YWHAE: variants seen among roughly 807,000 people sequenced by gnomAD.
YWHAE encodes the protein tyrosine 3-monooxygenase/tryptophan 5-monooxygenase activation protein epsilon, also known as 14-3-3 protein epsilon.
YWHAE carries 4 observed loss-of-function variants against 30.1 expected under a neutral mutation model. The observed-to-expected ratio is 0.13, with a 90% CI of 0.07 to 0.30. YWHAE has a LOEUF of 0.30. Ranked by LOEUF, YWHAE falls within the 10% of genes least tolerant of loss-of-function variation. The probability of loss-of-function intolerance (pLI) is 1.00; values close to 1 mark genes in which losing one functional copy is unlikely to be tolerated. For missense variants in YWHAE, 121 were observed against 315.9 expected (o/e 0.38, Z 4.68); for synonymous variants, 118 against 111.8 (o/e 1.06, Z -0.35).
At chr17:1,362,400 A>C (rs367651870) in intron 2 of YWHAE, among the ~76,000 whole-genome samples, 1 of 152,194 alleles carries the variant, frequency 6.6e-6, no homozygotes, top group African/African-American at 2.4e-5. Context: ...CATTGCTCTA[A>C]GATCAACAAT....
chr17:1,380,475 C>T (rs1167491012), intron 1 of YWHAE, among the ~76,000 whole-genome samples: 1 of 152,120 alleles, frequency 6.6e-6, no homozygotes, highest in Non-Finnish European at 1.5e-5. Context: ...GGAGCTTGTT[C>T]CTCATCCATA....
At position 1,345,726 on chromosome 17, in the gene YWHAE, G is replaced by A. The variant is rs138223115; in HGVS notation, c.716-227C>T. Among the ~76,000 whole-genome samples, 20 of 152,184 alleles carry A rather than the reference G, an allele frequency of 1.3e-4. No individual in the cohort carries two copies. The East Asian group carries it at 3.3e-3, about 25-fold the overall frequency. ...TCAACAGAATGAAAAAAACTGATGC[G>A]CAGTACAACTCAATGTTTTTACGCT... On this transcript the variant is annotated intron_variant, in intron 5 of 5. Transcript: ENST00000264335.
intron 1 of YWHAE, among the ~76,000 whole-genome samples, chr17:1,372,421 AG>A (rs527812734): frequency 2.0e-5 from 3 of 152,244 alleles, no homozygotes; most frequent in Non-Finnish European, 4.4e-5. Context: ...ATCTCCTTGA[AG>A]AACTTTTCCT....
In YWHAE at chr17:1,388,099, TTGTTTTTTTTTTTGGTTGG is replaced by T. The variant is rs1255613237; in HGVS notation, c.64+11929_64+11947del. Among the ~76,000 whole-genome samples the T allele has an allele frequency of 1.1e-3, 84 of 77,654 alleles. 5 individuals carry two copies. The highest frequency in any genetic ancestry group is 6.3e-3 in the African/African-American group (76 of 12,138). The allele number at this position is 77,654 out of a possible 152,430, so 50.9% of individuals were successfully genotyped here. On this transcript the variant is annotated intron_variant, in intron 1 of 5. Transcript: ENST00000264335. ...TGCCACCACCACGCCTGGGTAATTT[TTGTTTTTTTTTTTGGTTGG>T]TTTTTTTTTTTTTTTTTTTTTTTTA...
chr17:1,355,111 T>TA (rs1269198463), intron 4 of YWHAE, among the ~76,000 whole-genome samples: 161 of 9,750 alleles, frequency 0.017, 4 homozygotes, highest in East Asian at 0.15. Context: ...ACCCCCAAGA[T>TA]TTTTTAAAAA....
At chr17:1,394,173 T>C (rs551939567) in intron 1 of YWHAE, among the ~76,000 whole-genome samples, 28 of 152,050 alleles carry the variant, frequency 1.8e-4, no homozygotes, top group Non-Finnish European at 4.4e-5. Flanking sequence ...AGCCACATGA[T>C]CATAAAAAAA....
At chr17:1,348,731 TA>T (rs1403088903) in intron 5 of YWHAE, among the ~76,000 whole-genome samples, 2 of 152,292 alleles carry the variant, frequency 1.3e-5, no homozygotes, top group African/African-American at 4.8e-5. Context: ...ACCAATTTAT[TA>T]AAAAATGTAG....
chr17:1,357,117 A>C (rs972566383), intron 4 of YWHAE, among the ~76,000 whole-genome samples: 3 of 151,378 alleles, frequency 2.0e-5, no homozygotes, highest in Non-Finnish European at 2.9e-5. Flanking sequence ...AAAATACAAA[A>C]AATAGGCCGG....
chr17:1,390,126 G>A (rs571123108), intron 1 of YWHAE, among the ~76,000 whole-genome samples: 4 of 152,306 alleles, frequency 2.6e-5, no homozygotes, highest in African/African-American at 9.6e-5. Context: ...TTACAGGTGT[G>A]AGCCACTGCA....
intron 4 of YWHAE, among the ~76,000 whole-genome samples, chr17:1,354,714 G>A (rs1286451672): frequency 6.6e-6 from 1 of 152,044 alleles, no homozygotes; most frequent in African/African-American, 2.4e-5. Context: ...CCAGGCTGGA[G>A]TGCAGTGGCG....
intron 1 of YWHAE, among the ~76,000 whole-genome samples, chr17:1,379,677 C>G (rs1167279621): frequency 6.6e-6 from 1 of 152,098 alleles, no homozygotes; most frequent in Non-Finnish European, 1.5e-5. Context: ...ACTAGTTCTA[C>G]TCAATTAAGA....
intron 1 of YWHAE, among the ~76,000 whole-genome samples, chr17:1,386,731 C>T (rs891609280): frequency 4.6e-5 from 7 of 152,180 alleles, no homozygotes; most frequent in Non-Finnish European, 1.0e-4. Flanking sequence ...AGGCGGATCA[C>T]CTGAGGCCAG....
chr17:1,395,158 C>T (rs759465374), intron 1 of YWHAE, among the ~76,000 whole-genome samples: 25 of 148,452 alleles, frequency 1.7e-4, no homozygotes, highest in Admixed American at 4.7e-4. Flanking sequence ...TTTGGGAGGC[C>T]GAGGCAGGCA....
At chr17:1,358,077 A>C (rs1025422902) in intron 4 of YWHAE, among the ~76,000 whole-genome samples, 1 of 151,894 alleles carries the variant, frequency 6.6e-6, no homozygotes, top group Admixed American at 6.6e-5. Flanking sequence ...TAACAAACGA[A>C]AAAAACATGA....
chr17:1,384,565 C>A lies in YWHAE; in HGVS notation c.64+15482G>T, dbSNP rs183626820. On this transcript the variant is annotated intron_variant, in intron 1 of 5. Transcript: ENST00000264335. Reference sequence around the variant, plus strand: ...AAAATTAGCCAGGCATGGTGGCAGGCACCTGTACTCCCAGCTACTCAGGAG... The same window carrying A: ...AAAATTAGCCAGGCATGGTGGCAGGAACCTGTACTCCCAGCTACTCAGGAG... Among the ~76,000 whole-genome samples the A allele has an allele frequency of 5.3e-5, 8 of 152,068 alleles. No homozygotes were observed. The East Asian group carries it at 1.2e-3, about 22-fold the overall frequency.
intron 2 of YWHAE, among the ~76,000 whole-genome samples, chr17:1,364,284 CAG>C (rs1567965561): frequency 1.3e-5 from 2 of 151,206 alleles, no homozygotes; most frequent in Admixed American, 1.3e-4. Flanking sequence ...TGGAGTGCAG[CAG>C]TGCGATCTCG....
intron 1 of YWHAE, among the ~76,000 whole-genome samples, chr17:1,377,952 G>A (rs991977944): frequency 1.3e-5 from 2 of 152,174 alleles, no homozygotes; most frequent in Admixed American, 1.3e-4. Context: ...GGGAGGCTGA[G>A]GCAGGAGAAT....
chr17:1,388,828 A>G (rs1311166992), intron 1 of YWHAE, among the ~76,000 whole-genome samples: 1 of 152,216 alleles, frequency 6.6e-6, no homozygotes, highest in East Asian at 1.9e-4. Flanking sequence ...AAAAACTGTC[A>G]TAACTGTCAT....
At chr17:1,399,694 G>A (rs946491321) in intron 1 of YWHAE, 24 of 462,272 alleles carry the variant, frequency 5.2e-5, no homozygotes, top group South Asian at 4.5e-4. Context: ...GGCCGTCCCA[G>A]AAGCTCCCAT....
Sources: allele counts gnomAD v4.1 joint callset (sites outside exome capture counted in the v4.1 genomes callset), GRCh38; gene constraint gnomAD v4.1.1; transcripts MANE v1.5; gene names NCBI Gene and HGNC (gene_info 2026-07-23, HGNC 2026-07-21).